GALNT13: variants seen among roughly 807,000 people sequenced by gnomAD.
GALNT13 encodes the protein UDP-GalNAc:polypeptide N-acetylgalactosaminyltransferase 13.
A neutral mutation model predicts 64.2 loss-of-function variants in GALNT13; 28 were observed. That is an observed-to-expected ratio of 0.44 (90% CI 0.32 to 0.60). The LOEUF (loss-of-function observed/expected upper bound fraction) is 0.60. Ranked by LOEUF, GALNT13 falls within the 20% of genes least tolerant of loss-of-function variation. GALNT13 has a pLI of 0.05. For missense variants in GALNT13, 577 were observed against 669.8 expected, an observed-to-expected ratio of 0.86 and a Z score of 1.53; for synonymous variants, 214 against 224.6, an observed-to-expected ratio of 0.95 and a Z score of 0.42.
chr2:153,258,002 G>C, the GALNT13 span, among the ~76,000 whole-genome samples: 1 of 152,074 alleles, frequency 6.6e-6, no homozygotes, highest in Non-Finnish European at 1.5e-5. Flanking sequence ...ACAGGCCCAG[G>C]AGCCCCAAAT....
At chr2:154,337,095 T>C (rs1243909651) in intron 9 of GALNT13, among the ~76,000 whole-genome samples, 1 of 152,110 alleles carries the variant, frequency 6.6e-6, no homozygotes, top group Non-Finnish European at 1.5e-5. Flanking sequence ...CAGTTTCTGG[T>C]AAAGTGCCAG....
chr2:153,353,583 G>GT, the GALNT13 span, among the ~76,000 whole-genome samples: 67,018 of 151,808 alleles, frequency 0.44, 15,578 homozygotes, highest in Non-Finnish European at 0.52. Flanking sequence ...TTAGCTGTAG[G>GT]TTTTTTGTAG....
the GALNT13 span, among the ~76,000 whole-genome samples, chr2:153,155,368 G>A: frequency 2.0e-5 from 3 of 152,040 alleles, no homozygotes; most frequent in Non-Finnish European, 4.4e-5. Flanking sequence ...TTTTCCACTT[G>A]GCAGGCTATT....
At chr2:153,174,744 T>C in the GALNT13 span, among the ~76,000 whole-genome samples, 76 of 152,268 alleles carry the variant, frequency 5.0e-4, no homozygotes, top group Middle Eastern at 6.8e-3. Flanking sequence ...GAATCACATT[T>C]CCTCTAGTCT....
At chr2:153,095,875 G>A in the GALNT13 span, among the ~76,000 whole-genome samples, 4 of 152,068 alleles carry the variant, frequency 2.6e-5, no homozygotes, top group East Asian at 3.9e-4. Flanking sequence ...ATCACACACC[G>A]GGGCCTGTCA....
the GALNT13 span, among the ~76,000 whole-genome samples, chr2:153,425,094 T>G: frequency 6.6e-6 from 1 of 151,752 alleles, no homozygotes; most frequent in Non-Finnish European, 1.5e-5. Context: ...ATATTTATGT[T>G]TACTAAGAGT....
chr2:154,099,830 C>G (rs1182300911), intron 3 of GALNT13, among the ~76,000 whole-genome samples: 1 of 152,018 alleles, frequency 6.6e-6, no homozygotes, highest in African/African-American at 2.4e-5. Context: ...GTCCCAGCTG[C>G]AAGGGGAGCT....
chr2:153,890,968 C>T (rs753856860), intron 1 of GALNT13, among the ~76,000 whole-genome samples: 2 of 151,988 alleles, frequency 1.3e-5, no homozygotes, highest in Non-Finnish European at 2.9e-5. Context: ...TTTATTGATG[C>T]TCATGAAGCA....
At chr2:153,874,075 C>T (rs1394029915) in intron 1 of GALNT13, among the ~76,000 whole-genome samples, 1 of 148,586 alleles carries the variant, frequency 6.7e-6, no homozygotes, top group Admixed American at 6.8e-5. Context: ...ATCTTTCTTT[C>T]CCCCCGCACC....
chr2:153,586,095 C>T, the GALNT13 span, among the ~76,000 whole-genome samples: 23 of 152,038 alleles, frequency 1.5e-4, no homozygotes, highest in African/African-American at 5.5e-4. Flanking sequence ...CAAATGACAC[C>T]ACTACAGACT....
chr2:154,241,958 G>T, intron 4 of GALNT13, 72 bp from the exon 5 acceptor site: 1 of 904,192 alleles, frequency 1.1e-6, no homozygotes, highest in Non-Finnish European at 1.6e-6. Context: ...GTGTTATTAT[G>T]GATATTTCTT....
the GALNT13 span, among the ~76,000 whole-genome samples, chr2:153,371,840 A>T: frequency 6.6e-6 from 1 of 152,302 alleles, no homozygotes; most frequent in African/African-American, 2.4e-5. Flanking sequence ...TGATCTTTGG[A>T]TACTTTTTAG....
the GALNT13 span, among the ~76,000 whole-genome samples, chr2:153,264,256 T>G: frequency 2.0e-5 from 3 of 152,190 alleles, no homozygotes; most frequent in East Asian, 5.8e-4. Flanking sequence ...TATGCCAGTT[T>G]GAATGGCGAC....
chr2:154,182,500 T>A (rs1686014534), intron 4 of GALNT13, among the ~76,000 whole-genome samples: 1 of 151,926 alleles, frequency 6.6e-6, no homozygotes, highest in South Asian at 2.1e-4. Context: ...CCTATCCATG[T>A]GGAATAATAA....
chr2:154,196,448 A>T (rs548822701), intron 4 of GALNT13, among the ~76,000 whole-genome samples: 2 of 152,228 alleles, frequency 1.3e-5, no homozygotes, highest in African/African-American at 4.8e-5. Flanking sequence ...GTTTTCTTTA[A>T]TTTTTTATTA....
the GALNT13 span, among the ~76,000 whole-genome samples, chr2:153,430,592 C>G: frequency 6.7e-6 from 1 of 149,374 alleles, no homozygotes; most frequent in Non-Finnish European, 1.5e-5. Context: ...GATCACAGAT[C>G]TCTTGAGTCT....
chr2:153,820,730 AC>A, the GALNT13 span, among the ~76,000 whole-genome samples: 1 of 152,066 alleles, frequency 6.6e-6, no homozygotes, highest in Non-Finnish European at 1.5e-5. Flanking sequence ...AAACATAAAA[AC>A]AAAATAATAA....
chr2:154,395,888 G>T, intron 9 of GALNT13, 103 bp from the exon 10 acceptor site: 2 of 1,032,024 alleles, frequency 1.9e-6, no homozygotes, highest in Non-Finnish European at 1.3e-6. Flanking sequence ...AATTGAATTT[G>T]CTGGAATTAT....
chr2:153,680,346 A>T, the GALNT13 span, among the ~76,000 whole-genome samples: 3 of 151,160 alleles, frequency 2.0e-5, no homozygotes, highest in African/African-American at 7.3e-5. Context: ...TATGGGAAAT[A>T]AAAAAAAATT....
Sources: allele counts gnomAD v4.1 joint callset (sites outside exome capture counted in the v4.1 genomes callset), GRCh38; gene constraint gnomAD v4.1.1; transcripts MANE v1.5; gene names NCBI Gene and HGNC (gene_info 2026-07-23, HGNC 2026-07-21).